Variants in SOX5 observed in about 807,000 individuals in gnomAD.
SOX5 encodes the protein SRY-box transcription factor 5.
In SOX5, 9 loss-of-function variants were observed where a neutral mutation model predicts 92.0. The ratio of observed to expected loss-of-function variants is 0.10; its 90% CI spans 0.06 to 0.17. The LOEUF is 0.17. Among genes scored for constraint, SOX5 ranks in the 10% least tolerant of loss-of-function variants. The pLI is 1.00. For synonymous variants in SOX5, 344 were observed against 336.3 expected, an observed-to-expected ratio of 1.02 and a Z score of -0.25; for missense variants, 642 against 944.5, an observed-to-expected ratio of 0.68 and a Z score of 4.20.
chr12:24,281,563 T>A (rs1945203944), intron 2 of SOX5, among the ~76,000 whole-genome samples: 1 of 152,220 alleles, frequency 6.6e-6, no homozygotes, highest in Non-Finnish European at 1.5e-5. Flanking sequence ...AGCAATTACT[T>A]TTTCCTTGGG....
At chr12:23,806,400 C>A (rs75316292) in intron 3 of SOX5, among the ~76,000 whole-genome samples, 2,101 of 152,158 alleles carry the variant, frequency 0.014, 55 homozygotes, top group African/African-American at 0.048. Context: ...CTAGCTTTGG[C>A]TACAACACTC....
chr12:23,642,998 A>C (rs1490168607), intron 7 of SOX5, among the ~76,000 whole-genome samples: 1 of 134,958 alleles, frequency 7.4e-6, no homozygotes, highest in Non-Finnish European at 1.7e-5. Flanking sequence ...GAGGCAGGAG[A>C]ATGGCATGAA....
chr12:24,432,306 G>A (rs1938507397), intron 1 of SOX5, among the ~76,000 whole-genome samples: 1 of 152,168 alleles, frequency 6.6e-6, no homozygotes, highest in Non-Finnish European at 1.5e-5. Flanking sequence ...CTTCCAGTAA[G>A]CTCATGGAGT....
At chr12:24,006,659 T>C (rs1042048423) in intron 4 of SOX5, among the ~76,000 whole-genome samples, 2 of 152,154 alleles carry the variant, frequency 1.3e-5, no homozygotes, top group African/African-American at 4.8e-5. Context: ...AACTCAGTGT[T>C]AGGAAGATTC....
intron 1 of SOX5, among the ~76,000 whole-genome samples, chr12:24,411,274 T>A (rs999991680): frequency 1.3e-5 from 2 of 152,136 alleles, no homozygotes; most frequent in African/African-American, 4.8e-5. Flanking sequence ...ACAGTTTTAT[T>A]TTTGTCCTTT....
chr12:24,182,558 C>T (rs1955609440), intron 4 of SOX5, among the ~76,000 whole-genome samples: 1 of 151,552 alleles, frequency 6.6e-6, no homozygotes, highest in Admixed American at 6.6e-5. Flanking sequence ...AAAATACATG[C>T]TATTGGGACT....
intron 4 of SOX5, among the ~76,000 whole-genome samples, chr12:24,041,072 A>T (rs903245793): frequency 1.3e-5 from 2 of 152,210 alleles, no homozygotes; most frequent in African/African-American, 2.4e-5. Context: ...AATCAAAAAT[A>T]CTATTATTTC....
chr12:23,945,468 C>CAGGT (rs1021835954), intron 1 of SOX5, among the ~76,000 whole-genome samples: 2 of 152,134 alleles, frequency 1.3e-5, no homozygotes, highest in African/African-American at 4.8e-5. Flanking sequence ...GGTAATCAGT[C>CAGGT]AGGTCTCCTG....
At chr12:23,654,260 T>C (rs1302844743) in intron 7 of SOX5, among the ~76,000 whole-genome samples, 1 of 152,090 alleles carries the variant, frequency 6.6e-6, no homozygotes, top group Admixed American at 6.6e-5. Context: ...TATTTTCATA[T>C]AACAATAATT....
chr12:24,043,640 T>C (rs1480076924), intron 4 of SOX5, among the ~76,000 whole-genome samples: 6 of 152,222 alleles, frequency 3.9e-5, no homozygotes, highest in Non-Finnish European at 7.3e-5. Flanking sequence ...TTTAGTATCC[T>C]AACAAGACAC....
intron 3 of SOX5, among the ~76,000 whole-genome samples, chr12:23,822,075 C>T (rs530550498): frequency 1.6e-4 from 24 of 152,160 alleles, no homozygotes; most frequent in Admixed American, 1.2e-3. Flanking sequence ...AAAAAACCAG[C>T]TCCTAGATTC....
At chr12:24,394,128 T>C (rs915128536) in intron 1 of SOX5, among the ~76,000 whole-genome samples, 6 of 151,956 alleles carry the variant, frequency 3.9e-5, no homozygotes, top group African/African-American at 1.5e-4. Flanking sequence ...AGAGTGGGTT[T>C]TATCACACAC....
chr12:23,852,797 A>G (rs960676380), intron 2 of SOX5, among the ~76,000 whole-genome samples: 4 of 152,060 alleles, frequency 2.6e-5, no homozygotes, highest in African/African-American at 9.7e-5. Flanking sequence ...CACTTTCAAC[A>G]TTTTTCTCAG....
At chr12:24,409,413 T>G (rs1447899087) in intron 1 of SOX5, among the ~76,000 whole-genome samples, 2 of 152,156 alleles carry the variant, frequency 1.3e-5, no homozygotes, top group African/African-American at 4.8e-5. Context: ...CATATACCTA[T>G]GTAACAAACC....
chr12:24,326,781 T>TACACACATACACACACACAC (rs1950736938), intron 2 of SOX5, among the ~76,000 whole-genome samples: 1 of 42,348 alleles, frequency 2.4e-5, no homozygotes, highest in South Asian at 1.7e-3. Context: ...CACCCATTCA[T>TACACACATACACACACACAC]ACACACACAT....
intron 2 of SOX5, among the ~76,000 whole-genome samples, chr12:24,356,590 T>G (rs1954855193): frequency 6.6e-6 from 1 of 152,146 alleles, no homozygotes; most frequent in South Asian, 2.1e-4. Flanking sequence ...GATACTTCAC[T>G]CCTCCTGTCA....
intron 4 of SOX5, among the ~76,000 whole-genome samples, chr12:24,207,610 GA>G (rs1958152848): frequency 6.6e-6 from 1 of 152,164 alleles, no homozygotes; most frequent in African/African-American, 2.4e-5. Context: ...AGATATTAAA[GA>G]TAAATAAATG....
chr12:24,489,644 T>C (rs1946854552), intron 1 of SOX5, among the ~76,000 whole-genome samples: 1 of 152,132 alleles, frequency 6.6e-6, no homozygotes, highest in Non-Finnish European at 1.5e-5. Flanking sequence ...TTGCCCCAGA[T>C]CACTTAATAA....
At chr12:24,323,881 G>A (rs1010424708) in intron 2 of SOX5, among the ~76,000 whole-genome samples, 5 of 152,094 alleles carry the variant, frequency 3.3e-5, no homozygotes, top group African/African-American at 1.2e-4. Flanking sequence ...AGGAGAGCTA[G>A]TGTCACTTCC....
Sources: gnomAD v4.1 joint callset for allele counts (sites outside exome capture counted in the v4.1 genomes callset) on GRCh38, gnomAD v4.1.1 for gene constraint, MANE v1.5 for transcripts, NCBI Gene and HGNC (gene_info 2026-07-23, HGNC 2026-07-21) for gene names.